The following SGMS1 variants were observed in gnomAD, a reference collection of about 807,000 sequenced individuals.
The protein encoded by SGMS1 is phosphatidylcholine:ceramide cholinephosphotransferase 1.
SGMS1 carries 13 observed loss-of-function variants against 46.2 expected under a neutral mutation model. The observed-to-expected ratio is 0.28, with a 90% CI of 0.18 to 0.45. SGMS1 has a LOEUF of 0.45. SGMS1 is among the 20% of genes least tolerant of loss of function. The pLI is 1.00. For synonymous variants in SGMS1, 203 were observed against 187.8 expected (o/e 1.08, Z -0.66); for missense variants, 324 against 519.9 (o/e 0.62, Z 3.66).
intron 2 of SGMS1, among the ~76,000 whole-genome samples, chr10:50,554,163 A>C (rs1838171534): frequency 6.6e-6 from 1 of 152,190 alleles, no homozygotes; most frequent in African/African-American, 2.4e-5. Context: ...TGAGACTCAG[A>C]GCTTTGATTC....
chr10:50,570,351 C>T (rs542824082), intron 2 of SGMS1, among the ~76,000 whole-genome samples: 22 of 152,272 alleles, frequency 1.4e-4, no homozygotes, highest in Middle Eastern at 3.4e-3. Flanking sequence ...TCAGGTCAAT[C>T]CTTACAATGT....
intron 6 of SGMS1, among the ~76,000 whole-genome samples, chr10:50,384,401 C>G (rs1307593125): frequency 6.6e-6 from 1 of 151,082 alleles, no homozygotes; most frequent in East Asian, 1.9e-4. Context: ...CTCTCTCTCT[C>G]CTTTCCTTCC....
intron 6 of SGMS1, among the ~76,000 whole-genome samples, chr10:50,388,361 T>C (rs530504514): frequency 5.3e-5 from 8 of 151,700 alleles, no homozygotes; most frequent in African/African-American, 1.9e-4. Context: ...AGGCTGGGTA[T>C]GGTGGCTCAT....
intron 6 of SGMS1, among the ~76,000 whole-genome samples, chr10:50,352,721 T>C (rs1379680894): frequency 1.3e-5 from 2 of 152,192 alleles, no homozygotes; most frequent in East Asian, 1.9e-4. Flanking sequence ...CTCACAGATC[T>C]AAGCTTGTAT....
At chr10:50,503,835 C>A (rs1837682568) in intron 3 of SGMS1, among the ~76,000 whole-genome samples, 1 of 152,208 alleles carries the variant, frequency 6.6e-6, no homozygotes, top group Non-Finnish European at 1.5e-5. Context: ...TCACTAGGGC[C>A]TGAGAGACTG....
chr10:50,485,008 C>G (rs777346907), intron 3 of SGMS1, among the ~76,000 whole-genome samples: 5 of 152,168 alleles, frequency 3.3e-5, no homozygotes, highest in Non-Finnish European at 7.3e-5. Context: ...CCCTCTCTCA[C>G]CACTCGTATT....
At chr10:50,535,983 C>T (rs982106751) in intron 2 of SGMS1, among the ~76,000 whole-genome samples, 1 of 152,064 alleles carries the variant, frequency 6.6e-6, no homozygotes, top group African/African-American at 2.4e-5. Context: ...ATTGATATCC[C>T]TTCTTGCTTC....
At chr10:50,351,162 A>C (rs764324580) in intron 6 of SGMS1, among the ~76,000 whole-genome samples, 4 of 152,098 alleles carry the variant, frequency 2.6e-5, no homozygotes, top group Non-Finnish European at 4.4e-5. Context: ...TTAATATTTG[A>C]CTGCCCCACT....
At position 50,574,275 on chromosome 10, in the gene SGMS1, A is replaced by G. The variant is rs77099889; in HGVS notation, c.-589+15878T>C. Among the ~76,000 whole-genome samples, 382 of 152,288 alleles carry G rather than the reference A, an allele frequency of 2.5e-3. 3 individuals are homozygous for G. The East Asian group carries it at 0.03, about 12-fold the overall frequency. The stretch of plus-strand genomic sequence containing the variant: ...GAAAAAAGATTAACATCTATTACAT[A>G]TAAAGAACTCCAAAAACTCAATAGC... On this transcript the variant is annotated intron_variant, in intron 2 of 10. Coordinates refer to ENST00000361781, the MANE Select transcript of SGMS1 (RefSeq NM_147156.4).
At chr10:50,568,178 G>T (rs1288045128) in intron 2 of SGMS1, among the ~76,000 whole-genome samples, 7 of 152,090 alleles carry the variant, frequency 4.6e-5, no homozygotes, top group Non-Finnish European at 8.8e-5. Context: ...TTTTAAACAG[G>T]TGCATGTATA....
chr10:50,453,191 CATAAA>C (rs1837134681), intron 5 of SGMS1, among the ~76,000 whole-genome samples: 1 of 151,724 alleles, frequency 6.6e-6, no homozygotes, highest in South Asian at 2.1e-4. Flanking sequence ...GAATTATCAG[CATAAA>C]ATAAGTATAT....
chr10:50,343,415 TC>T, intron 7 of SGMS1, 76 bp downstream of exon 7: 1 of 1,416,848 alleles, frequency 7.1e-7, no homozygotes, highest in Non-Finnish European at 9.4e-7. Flanking sequence ...TTGATAAATT[TC>T]ATTTATAAAT....
chr10:50,500,861 T>G (rs1222638698), intron 3 of SGMS1, among the ~76,000 whole-genome samples: 1 of 152,236 alleles, frequency 6.6e-6, no homozygotes. Flanking sequence ...TTCTTTCTGT[T>G]GCAATCATTG....
At chr10:50,465,372 A>G (rs1343345396) in intron 4 of SGMS1, among the ~76,000 whole-genome samples, 1 of 152,198 alleles carries the variant, frequency 6.6e-6, no homozygotes, top group Non-Finnish European at 1.5e-5. Flanking sequence ...AAGGGAACAC[A>G]CAGGAAAATG....
chr10:50,320,166 T>C (rs1259014356), intron 8 of SGMS1, among the ~76,000 whole-genome samples: 1 of 152,180 alleles, frequency 6.6e-6, no homozygotes. Flanking sequence ...ACCTTCCCAA[T>C]GCCTCCCAAA....
chr10:50,398,072 A>G (rs570855916), intron 6 of SGMS1, among the ~76,000 whole-genome samples: 11 of 152,336 alleles, frequency 7.2e-5, no homozygotes, highest in East Asian at 1.9e-4. Flanking sequence ...TTTAGTATAT[A>G]GTTAATATCA....
Position 50,574,961 on chromosome 10 carries a change from G to GTATATATA in SGMS1, c.-589+15191_-589+15192insTATATATA, listed in dbSNP as rs1491469065. ...ATAAACATTTTAAAAGGAAAATGTG[G>GTATATATA]TGTATATATATATATATATATATAA... On this transcript the variant is annotated intron_variant, in intron 2 of 10. Transcript: ENST00000361781. Among the ~76,000 whole-genome samples, 377 of 45,006 alleles carry GTATATATA rather than the reference G, an allele frequency of 8.4e-3. 1 individual carries two copies. The highest frequency in any genetic ancestry group is 0.018 in the Middle Eastern group (2 of 110). The allele number at this position is 45,006 out of a possible 152,430, so 29.5% of individuals were successfully genotyped here.
chr10:50,589,342 C>T (rs1588885739), intron 2 of SGMS1, among the ~76,000 whole-genome samples: 1 of 152,228 alleles, frequency 6.6e-6, no homozygotes. Context: ...GCTTACTACA[C>T]CCTCCAACTC....
chr10:50,348,042 T>G (rs1186565437), intron 6 of SGMS1, among the ~76,000 whole-genome samples: 1 of 152,094 alleles, frequency 6.6e-6, no homozygotes, highest in Non-Finnish European at 1.5e-5. Flanking sequence ...CCCTACCCTA[T>G]GACAGGCCCC....
Sources: gnomAD v4.1 joint callset for allele counts (sites outside exome capture counted in the v4.1 genomes callset) on GRCh38, gnomAD v4.1.1 for gene constraint, MANE v1.5 for transcripts, NCBI Gene and HGNC (gene_info 2026-07-23, HGNC 2026-07-21) for gene names.